The following CNTNAP3 variants were observed in gnomAD, a reference collection of about 807,000 sequenced individuals.
CNTNAP3 encodes the protein contactin-associated protein-like 3.
In CNTNAP3, 36 loss-of-function variants were observed where a neutral mutation model predicts 92.1. That is an observed-to-expected ratio of 0.39 (90% CI 0.30 to 0.52). The LOEUF (loss-of-function observed/expected upper bound fraction) is 0.52. Ranked by LOEUF, CNTNAP3 falls within the 20% of genes least tolerant of loss-of-function variation. The probability of loss-of-function intolerance (pLI) is 0.76; values close to 1 mark genes in which losing one functional copy is unlikely to be tolerated. For missense variants in CNTNAP3, 534 were observed against 1,069.6 expected, an observed-to-expected ratio of 0.50 and a Z score of 6.98; for synonymous variants, 232 against 422.3, an observed-to-expected ratio of 0.55 and a Z score of 5.53.
intron 13 of CNTNAP3, among the ~76,000 whole-genome samples, chr9:39,129,114 G>A (rs1247539070): frequency 1.3e-5 from 2 of 152,074 alleles, no homozygotes; most frequent in African/African-American, 4.8e-5. Context: ...AAAAATTCTA[G>A]CAAGATGTTT....
chr9:39,113,671 C>T (rs1010600971), intron 14 of CNTNAP3, among the ~76,000 whole-genome samples: 15 of 152,000 alleles, frequency 9.9e-5, no homozygotes, highest in African/African-American at 3.6e-4. Context: ...ATTATATATT[C>T]ATTATTGATT....
chr9:39,075,826 G>A (rs1490389059), intron 23 of CNTNAP3, among the ~76,000 whole-genome samples: 12 of 152,406 alleles, frequency 7.9e-5, no homozygotes, highest in African/African-American at 2.9e-4. Flanking sequence ...CCCACGTGCT[G>A]TGGGCTGCAT....
chr9:39,141,130 T>G (rs897637683), intron 11 of CNTNAP3, among the ~76,000 whole-genome samples: 2 of 152,220 alleles, frequency 1.3e-5, no homozygotes, highest in African/African-American at 4.8e-5. Flanking sequence ...AGGAAAACTT[T>G]GTGAATCTGA....
In CNTNAP3 at chr9:39,080,660, CTT is replaced by C. The variant is rs774669701; in HGVS notation, c.3443-1742_3443-1741del. 3.8e-4 allele frequency among the ~76,000 whole-genome samples: 35 copies of C among 91,034 alleles called. No individual in the cohort carries two copies. The East Asian group carries it at 5.8e-3, about 15-fold the overall frequency. 59.7% of individuals were successfully genotyped at this position (91,034 alleles called of 152,430 possible). On this transcript the variant is annotated intron_variant, in intron 21 of 23. Transcript: ENST00000297668. ...AGAATCACATAATTTTAGGGCAGAC[CTT>C]TTTTTTTTTTTTTTTTTTGAGATGG... is the stretch of plus-strand genomic sequence containing the variant.
In CNTNAP3 at chr9:39,109,351, G is replaced by T. The variant is rs1826687138; in HGVS notation, c.2238-64C>A. Reference sequence around the variant, plus strand: ...TTAACATACGGGCAAAATTAACTCTGATCTCTTATCTCAATTTGAAACCAA... The same window carrying T: ...TTAACATACGGGCAAAATTAACTCTTATCTCTTATCTCAATTTGAAACCAA... On this transcript the variant is annotated intron_variant, in intron 14 of 23. Coordinates refer to ENST00000297668, the MANE Select transcript of CNTNAP3 (RefSeq NM_033655.5). 10 of 1,592,510 alleles carry T rather than the reference G, an allele frequency of 6.3e-6. No individual in the cohort carries two copies. The East Asian group carries it at 2.0e-4, about 33-fold the overall frequency.
intron 9 of CNTNAP3, among the ~76,000 whole-genome samples, chr9:39,151,924 T>C (rs2118151067): frequency 6.6e-6 from 1 of 150,938 alleles, no homozygotes; most frequent in African/African-American, 2.4e-5. Context: ...GGCATGACAC[T>C]TTGAGTCCAC....
intron 14 of CNTNAP3, among the ~76,000 whole-genome samples, chr9:39,113,826 G>C (rs527883691): frequency 6.6e-6 from 1 of 150,456 alleles, no homozygotes; most frequent in Non-Finnish European, 1.5e-5. Flanking sequence ...ACGATATATG[G>C]CTGCTATATC....
chr9:39,113,330 A>AT (rs1820755968), intron 14 of CNTNAP3, among the ~76,000 whole-genome samples: 2 of 152,022 alleles, frequency 1.3e-5, no homozygotes, highest in Admixed American at 6.6e-5. Flanking sequence ...TAATTTTGTA[A>AT]TTTTTTCCAT....
chr9:39,159,499 G>T (rs909140466), intron 9 of CNTNAP3: 7 of 128,372 alleles, frequency 5.5e-5, no homozygotes, highest in African/African-American at 1.8e-4. Flanking sequence ...AATTTTTTTT[G>T]TGTGTGTATT....
intron 3 of CNTNAP3, among the ~76,000 whole-genome samples, chr9:39,217,676 A>AAACT (rs1445592595): frequency 0.035 from 816 of 23,202 alleles, 301 homozygotes; most frequent in African/African-American, 0.076. Flanking sequence ...TGCTTAATGT[A>AAACT]AACTATACAT....
chr9:39,120,954 A>C (rs961026878), intron 13 of CNTNAP3, among the ~76,000 whole-genome samples: 1 of 152,176 alleles, frequency 6.6e-6, no homozygotes. Context: ...TGGGGAAGAT[A>C]AAGGACCCAA....
At chr9:39,094,235 G>A (rs2990132) in intron 18 of CNTNAP3, among the ~76,000 whole-genome samples, 1 of 151,428 alleles carries the variant, frequency 6.6e-6, no homozygotes, top group Admixed American at 6.6e-5. Context: ...AGTTGTGGAA[G>A]TTATTAACAT....
intron 13 of CNTNAP3, among the ~76,000 whole-genome samples, chr9:39,124,582 G>A (rs370104899): frequency 6.6e-6 from 1 of 152,138 alleles, no homozygotes. Context: ...GCAACCTATA[G>A]AATGGGAGAA....
chr9:39,105,073 G>A (rs1826566054), intron 15 of CNTNAP3, among the ~76,000 whole-genome samples: 1 of 152,108 alleles, frequency 6.6e-6, no homozygotes, highest in Non-Finnish European at 1.5e-5. Context: ...GGCTGCCAGT[G>A]GTGATCTTCT....
chr9:39,074,835 C>G (rs1408858443), intron 23 of CNTNAP3, among the ~76,000 whole-genome samples: 1 of 152,230 alleles, frequency 6.6e-6, no homozygotes, highest in Non-Finnish European at 1.5e-5. Flanking sequence ...GTGGCGCGAT[C>G]TCGGCTCACT....
chr9:39,128,769 T>C (rs1367014690), intron 13 of CNTNAP3, among the ~76,000 whole-genome samples: 2 of 151,756 alleles, frequency 1.3e-5, no homozygotes, highest in South Asian at 2.1e-4. Context: ...TGATTTTCCA[T>C]ATAGAAAATC....
Position 39,066,030 on chromosome 9 carries a change from G to A in CNTNAP3, c.*7860C>T, listed in dbSNP as rs1825502449. On this transcript the variant is annotated 3_prime_UTR_variant, in exon 24 of 24. Coordinates refer to ENST00000297668, the MANE Select transcript of CNTNAP3 (RefSeq NM_033655.5). ...TTTCTATTTGTCCCATTTGTTCTTT[G>A]TCCTCTTTCTCATCTTTTTTGTCTA... is the stretch of plus-strand genomic sequence containing the variant. 6.6e-6 allele frequency among the ~76,000 whole-genome samples: 1 copy of A among 152,046 alleles called. No homozygotes were observed. The highest frequency in any genetic ancestry group is 1.5e-5 in the Non-Finnish European group (1 of 67,988).
In CNTNAP3 at chr9:39,066,261, C is replaced by A. The variant is rs1825507338; in HGVS notation, c.*7629G>T. Among the ~76,000 whole-genome samples, 1 of 152,230 alleles carries A rather than the reference C, an allele frequency of 6.6e-6. No homozygotes were observed. Among genetic ancestry groups the A allele is most frequent in the Non-Finnish European group, 1.5e-5 (1 of 68,042 alleles). On this transcript the variant is annotated 3_prime_UTR_variant, in exon 24 of 24. Transcript: ENST00000297668. ...ACACACAGTCTAAGAACCTTACAAACTAAACTATATTTCCATTTACTCTAG... is the reference window on the plus strand; with the variant it reads ...ACACACAGTCTAAGAACCTTACAAAATAAACTATATTTCCATTTACTCTAG...
chr9:39,134,369 A>G (rs1587725367), intron 12 of CNTNAP3, among the ~76,000 whole-genome samples: 1 of 151,574 alleles, frequency 6.6e-6, no homozygotes, highest in Non-Finnish European at 1.5e-5. Flanking sequence ...GGTAATTTCA[A>G]TTCCATGGGT....
Sources: gnomAD v4.1 joint callset for allele counts (sites outside exome capture counted in the v4.1 genomes callset) on GRCh38, gnomAD v4.1.1 for gene constraint, MANE v1.5 for transcripts, NCBI Gene and HGNC (gene_info 2026-07-23, HGNC 2026-07-21) for gene names.